The following SMARCAL1 variants were observed in gnomAD, a reference collection of about 807,000 sequenced individuals.
SMARCAL1 encodes ATP-driven annealing helicase.
SMARCAL1 carries 58 observed loss-of-function variants against 94.5 expected under a neutral mutation model. The observed-to-expected ratio is 0.61, with a 90% CI of 0.50 to 0.76. The LOEUF (loss-of-function observed/expected upper bound fraction) is 0.76, where lower values mean the gene tolerates loss of function less well. Ranked by LOEUF, SMARCAL1 falls within the 30% of genes least tolerant of loss-of-function variation. SMARCAL1 has a pLI of 0.00. For synonymous variants in SMARCAL1, 422 were observed against 455.1 expected (o/e 0.93, Z 0.93); for missense variants, 1,051 against 1,177.9 (o/e 0.89, Z 1.58).
At chr2:216,416,365 G>A (rs972046962) in intron 4 of SMARCAL1, 58 bp downstream of exon 4, 12 of 1,418,440 alleles carry the variant, frequency 8.5e-6, no homozygotes, top group African/African-American at 8.4e-5. Flanking sequence ...AATCTTTAGA[G>A]TATCACATGT....
rs60422006 is a variant in SMARCAL1 at position 216,440,049 on chromosome 2, GA to G, written c.1710+1579del. Among the ~76,000 whole-genome samples, 452 of 122,142 alleles carry G rather than the reference GA, an allele frequency of 3.7e-3. 2 individuals are homozygous for G. The highest frequency in any genetic ancestry group is 8.8e-3 in the African/African-American group (330 of 37,704). 80.1% of individuals were successfully genotyped at this position (122,142 alleles called of 152,430 possible). On this transcript the variant is annotated intron_variant, in intron 10 of 17. Transcript: ENST00000357276. ...AGAGTGAGACTCTGTCTCAAAAAAA[GA>G]AAAAAAAAAAAAAAGCTTGATTCTC...
chr2:216,450,787 C>T, intron 11 of SMARCAL1, 59 bp from the exon 12 acceptor site: 5 of 1,408,708 alleles, frequency 3.5e-6, no homozygotes, highest in Non-Finnish European at 5.0e-6. Flanking sequence ...ATCCCAAGTC[C>T]CTGTTGGACT....
chr2:216,458,132 A>G lies in SMARCAL1; in HGVS notation c.2071-6465A>G, dbSNP rs1694613023. Among the ~76,000 whole-genome samples the G allele has an allele frequency of 2.0e-5, 3 of 152,220 alleles. No individual in the cohort carries two copies. In the South Asian group the frequency reaches 6.2e-4, roughly 32 times the overall value. Reference sequence around the variant, plus strand: ...ACATACACTCTCCCAAGACTAAACCAGGAAGAAGTTGAATCTCTGAATAGA... The same window carrying G: ...ACATACACTCTCCCAAGACTAAACCGGGAAGAAGTTGAATCTCTGAATAGA... On this transcript the variant is annotated intron_variant, in intron 12 of 17. Coordinates refer to ENST00000357276, the MANE Select transcript of SMARCAL1 (RefSeq NM_014140.4).
At chr2:216,479,109 T>G (rs1159958518) in intron 17 of SMARCAL1, 1 of 152,500 alleles carries the variant, frequency 6.6e-6, no homozygotes, top group Non-Finnish European at 1.5e-5. Context: ...GCTTGGATTG[T>G]TGGCCAGAAG....
rs923747395 is a variant in SMARCAL1 at position 216,420,247 on chromosome 2, A to G, written c.863-52A>G. 12 of 1,451,882 alleles carry G rather than the reference A, an allele frequency of 8.3e-6. No individual in the cohort carries two copies. The African/African-American group carries it at 1.3e-4, about 15-fold the overall frequency. 89.9% of individuals were successfully genotyped at this position (1,451,882 alleles called of 1,614,324 possible). A position where few individuals can be genotyped will look rare whatever the true frequency, so the allele number is the denominator to read the frequency against. The stretch of plus-strand genomic sequence containing the variant: ...CTTCCCTTGCCTGTATTTCAAAGCC[A>G]CATCATAGTCCCCTGCTTTATCACT... On this transcript the variant is annotated intron_variant, in intron 4 of 17. Coordinates refer to ENST00000357276, the MANE Select transcript of SMARCAL1 (RefSeq NM_014140.4).
intron 4 of SMARCAL1, among the ~76,000 whole-genome samples, chr2:216,418,215 G>A (rs577775438): frequency 2.0e-4 from 31 of 152,246 alleles, no homozygotes; most frequent in African/African-American, 7.0e-4. Context: ...CACTGTGCCC[G>A]ACTATCATTG....
Position 216,428,785 on chromosome 2 carries a change from A to G in SMARCAL1, c.1334+3A>G. The G allele has an allele frequency of 6.2e-7, 1 of 1,613,692 alleles. No individual in the cohort carries two copies. The highest frequency in any genetic ancestry group is 1.1e-5 in the South Asian group (1 of 91,082). ...CCCTTTCAGAGAGCTGGAGTCAAGT[A>G]GGTTCTTGATCTTCCTCTCTCTTCC... On this transcript the variant is annotated splice_donor_region_variant and intron_variant, in intron 7 of 17. Coordinates refer to ENST00000357276, the MANE Select transcript of SMARCAL1 (RefSeq NM_014140.4).
At position 216,475,346 on chromosome 2, in the gene SMARCAL1, G is replaced by A. The variant is rs139445683; in HGVS notation, c.2322G>A (p.Ser774=). The A allele has an allele frequency of 1.0e-4, 164 of 1,614,082 alleles. No individual in the cohort carries two copies. The highest frequency in any genetic ancestry group is 1.2e-4 in the Non-Finnish European group (142 of 1,180,052). ...REDLCQQFQL[S]ERHAVAVLSI... ...ACCTGTGCCAGCAGTTCCAACTGTC[G>A]GAGAGGCATGCTGTGGCCGTGCTGT... Residue 774 remains serine, a synonymous_variant, in exon 15 of 18, where the codon TCG becomes TCA. Transcript: ENST00000357276. The surrounding 1 kb of genome is among the most constrained non-coding windows in gnomAD (Gnocchi z 4.4).
intron 14 of SMARCAL1, among the ~76,000 whole-genome samples, chr2:216,472,647 C>T (rs1694992206): frequency 7.1e-6 from 1 of 141,450 alleles, no homozygotes; most frequent in African/African-American, 2.6e-5. Flanking sequence ...AAAGGTATTT[C>T]CTAACTCCCA....
Position 216,432,719 on chromosome 2 carries a change from T to G in SMARCAL1, c.1336T>G (p.Phe446Val). ...CATCCTCACCTTGTCTGCCTTCAGT[T>G]TTGCCATAGCCAAAGGAGGCCGCCT... ...LMPFQRAGVN[F>V]AIAKGGRLLL... Residue 446 changes from phenylalanine (F) to valine (V), a missense_variant and splice_region_variant, in exon 8 of 18, where the codon TTT becomes GTT. Coordinates refer to ENST00000357276, the MANE Select transcript of SMARCAL1 (RefSeq NM_014140.4). The G allele has an allele frequency of 3.7e-6, 6 of 1,614,066 alleles. No homozygotes were observed. Among genetic ancestry groups the G allele is most frequent in the Non-Finnish European group, 5.1e-6 (6 of 1,180,012 alleles).
chr2:216,467,300 A>G (rs940900625), intron 13 of SMARCAL1, among the ~76,000 whole-genome samples: 7 of 152,000 alleles, frequency 4.6e-5, no homozygotes, highest in Non-Finnish European at 5.9e-5. Context: ...GTGAAACCCC[A>G]TCCCTACTAA....
At chr2:216,434,009 T>A (rs1015602671) in intron 8 of SMARCAL1, among the ~76,000 whole-genome samples, 9 of 151,666 alleles carry the variant, frequency 5.9e-5, no homozygotes, top group South Asian at 2.1e-4. Context: ...TTTAATTTTT[T>A]ATTTTATTTT....
In SMARCAL1 at chr2:216,416,295, T is replaced by G; in HGVS notation, c.850T>G (p.Tyr284Asp). The G allele has an allele frequency of 1.9e-6, 3 of 1,613,486 alleles. No individual in the cohort carries two copies. The highest frequency in any genetic ancestry group is 2.2e-5 in the South Asian group (2 of 91,054). ...TKTWNFSMND[Y>D]SALMKAAQSL... is the part of the protein sequence containing the mutation. ...GACGTGGAACTTCAGCATGAATGAC[T>G]ATAGTGCCCTGAGTAAGTAGACACA... Residue 284 changes from tyrosine (Y) to aspartate (D), a missense_variant, in exon 4 of 18, where the codon TAT becomes GAT. Tyr to Asp is a radical substitution (Grantham distance 160). Around this residue, in one of 3 missense-constraint regions of SMARCAL1, gnomAD observed 398 missense variants for 395.2 expected, o/e 1.01. Coordinates refer to ENST00000357276, the MANE Select transcript of SMARCAL1 (RefSeq NM_014140.4).
intron 11 of SMARCAL1, among the ~76,000 whole-genome samples, chr2:216,448,546 T>TA (rs1423455035): frequency 6.6e-6 from 1 of 152,226 alleles, no homozygotes. Context: ...GCCTTCTTGA[T>TA]ACACCTCCCC....
chr2:216,450,137 A>G (rs2106054024), intron 11 of SMARCAL1, among the ~76,000 whole-genome samples: 1 of 152,348 alleles, frequency 6.6e-6, no homozygotes, highest in Admixed American at 6.5e-5. Context: ...GGCGTGAGCC[A>G]CTGCGTCTGG....
chr2:216,467,209 G>A (rs907876014), intron 13 of SMARCAL1, among the ~76,000 whole-genome samples: 3 of 152,164 alleles, frequency 2.0e-5, no homozygotes, highest in Admixed American at 6.5e-5. Flanking sequence ...GGTGGCTCAC[G>A]CCTGTAATCT....
Position 216,475,319 on chromosome 2 carries a change from G to A in SMARCAL1, c.2295G>A (p.Glu765=), listed in dbSNP as rs1301876154. The change falls in exon 15 of 18, where the codon GAG becomes GAA. Residue 765 remains glutamate (E), a synonymous_variant. Transcript: ENST00000357276. The surrounding 1 kb of genome is among the most constrained non-coding windows in gnomAD (Gnocchi z 4.4). ...GCTCCACCTCATCAGCTGAGCGGGA[G>A]GACCTGTGCCAGCAGTTCCAACTGT... The part of the protein sequence containing the change: ...IDGSTSSAER[E]DLCQQFQLSE... 5.0e-6 allele frequency: 8 copies of A among 1,614,232 alleles called. No individual in the cohort carries two copies. The highest frequency in any genetic ancestry group is 1.7e-5 in the Admixed American group (1 of 60,018).
chr2:216,430,220 A>T (rs75428400), intron 7 of SMARCAL1, among the ~76,000 whole-genome samples: 5,326 of 151,856 alleles, frequency 0.035, 204 homozygotes, highest in East Asian at 0.16. Context: ...ATAAACTCAG[A>T]TTTTAACTTT....
chr2:216,432,967 G>A, intron 8 of SMARCAL1, 99 bp downstream of exon 8: 1 of 1,483,394 alleles, frequency 6.7e-7, no homozygotes, highest in Non-Finnish European at 9.4e-7. Flanking sequence ...GATCTTTAAG[G>A]ATCCTGTCTC....
Sources: gnomAD v4.1 joint callset for allele counts (sites outside exome capture counted in the v4.1 genomes callset) on GRCh38, gnomAD v4.1.1 for gene constraint, gnomAD v4.1.1 regional missense constraint, Gnocchi (gnomAD v3.1) non-coding constraint, MANE v1.5 for transcripts, NCBI Gene and HGNC (gene_info 2026-07-23, HGNC 2026-07-21) for gene names.